Variants in ABCB8 observed in about 807,000 individuals in gnomAD.
The protein encoded by ABCB8 is ATP binding cassette subfamily B member 8, also known as mitochondrial potassium channel ATP-binding subunit.
A neutral mutation model predicts 73.0 loss-of-function variants in ABCB8; 52 were observed. The observed-to-expected ratio is 0.71, with a 90% confidence interval of 0.57 to 0.90. The LOEUF (loss-of-function observed/expected upper bound fraction) is 0.90. ABCB8 is among the 40% of genes least tolerant of loss of function. The pLI is 0.00. For missense variants in ABCB8, 909 were observed against 974.6 expected, an observed-to-expected ratio of 0.93 and a Z score of 0.90; for synonymous variants, 428 against 423.5, an observed-to-expected ratio of 1.01 and a Z score of -0.13.
intron 10 of ABCB8, 25 bp downstream of exon 10, chr7:151,040,326 C>A: frequency 6.2e-7 from 1 of 1,611,892 alleles, no homozygotes; most frequent in Non-Finnish European, 8.5e-7. Context: ...GGGTGGAGGG[C>A]CTGGGGTGTG....
intron 11 of ABCB8, 54 bp from the exon 12 acceptor site, chr7:151,040,773 CG>C (rs1472558885): frequency 6.3e-7 from 1 of 1,593,158 alleles, no homozygotes. Context: ...AGGAGGGACC[CG>C]GGCAACAAGG....
At chr7:151,040,221 C>G in intron 9 of ABCB8, 47 bp from the exon 10 acceptor site, 1 of 1,604,726 alleles carries the variant, frequency 6.2e-7, no homozygotes, top group South Asian at 1.1e-5. Context: ...CCTCCTCTGG[C>G]TCTTCTTGTT....
At position 151,046,885 on chromosome 7, in the gene ABCB8, A is replaced by G. The variant is rs1796626823; in HGVS notation, c.*1536A>G. The stretch of plus-strand genomic sequence containing the variant: ...TGGTGCTTTGGGGACAAGCCATCCA[A>G]AAACCCCAGGCCCACATCCACCCTG... On this transcript the variant is annotated 3_prime_UTR_variant, in exon 16 of 16. Transcript: ENST00000358849. 2 of 152,224 alleles carry G rather than the reference A, an allele frequency of 1.3e-5. No homozygotes were observed. The highest frequency in any genetic ancestry group is 2.1e-4 in the South Asian group (1 of 4,832). The allele number at this position is 152,224 out of a possible 1,614,324, so 9.4% of individuals were successfully genotyped here.
At chr7:151,031,573 A>G in intron 1 of ABCB8, 1 of 313,782 alleles carries the variant, frequency 3.2e-6, no homozygotes, top group Non-Finnish European at 6.0e-6. Context: ...TCCTGGCTGG[A>G]TAACTTCTGC....
At chr7:151,028,654 G>C in intron 1 of ABCB8, 44 bp downstream of exon 1, 6 of 1,590,444 alleles carry the variant, frequency 3.8e-6, no homozygotes, top group Non-Finnish European at 5.1e-6. Flanking sequence ...TTGACCGCCC[G>C]GCAGGGCAGT....
In ABCB8 at chr7:151,047,634, A is replaced by T. The variant is rs1265867405; in HGVS notation, c.*2285A>T. 1.3e-5 allele frequency: 2 copies of T among 152,146 alleles called. No individual in the cohort carries two copies. The highest frequency in any genetic ancestry group is 1.3e-4 in the Admixed American group (2 of 15,270). 9.4% of individuals were successfully genotyped at this position (152,146 alleles called of 1,614,324 possible). A position where few individuals can be genotyped will look rare whatever the true frequency, so the allele number is the denominator to read the frequency against. ...GTTTGGCTGGTGGAACCATGTTTCT[A>T]CCACTCATGGTCAAAAAAAGCCCAC... On this transcript the variant is annotated 3_prime_UTR_variant, in exon 16 of 16. Transcript: ENST00000358849.
intron 1 of ABCB8, chr7:151,032,732 G>A (rs574673233): frequency 5.6e-5 from 15 of 268,088 alleles, no homozygotes; most frequent in Non-Finnish European, 8.4e-5. Context: ...TAGTGGAATC[G>A]ATGTTAGCAT....
rs1377576663 is a variant in ABCB8 at position 151,034,513 on chromosome 7, GA to G, written c.574del (p.Thr192ProfsTer44). On this transcript the variant is annotated frameshift_variant, in exon 4 of 16. Transcript: ENST00000358849. LOFTEE classifies it high-confidence loss of function. ...LILYGVQGLL[T>X]FGYLVLLSHV... is the part of the protein sequence containing the mutation. The stretch of plus-strand genomic sequence containing the variant: ...ACTGGGCTCTTTCGCAGGGACTGCT[GA>G]CCTTCGGGTACCTGGTGCTGCTGTC... 5 of 1,613,320 alleles carry G rather than the reference GA, an allele frequency of 3.1e-6. No individual in the cohort carries two copies. The African/African-American group carries it at 6.7e-5, about 22-fold the overall frequency.
chr7:151,028,500 G>C lies in ABCB8; in HGVS notation c.-16G>C, dbSNP rs1554442780. ...GAAACTGCTATTGCCGGCGGCTCCT[G>C]TTTTACCGCGTCAGCATGCTGGTGC... On this transcript the variant is annotated 5_prime_UTR_variant, in exon 1 of 16. Coordinates refer to ENST00000358849, the MANE Select transcript of ABCB8 (RefSeq NM_007188.5). 6.2e-7 allele frequency: 1 copy of C among 1,610,238 alleles called. No homozygotes were observed. The highest frequency in any genetic ancestry group is 8.5e-7 in the Non-Finnish European group (1 of 1,178,578).
At chr7:151,029,758 C>CGGCCTCCCAA (rs1796104209) in intron 1 of ABCB8, 2 of 152,196 alleles carry the variant, frequency 1.3e-5, no homozygotes, top group South Asian at 4.1e-4. Flanking sequence ...CTGCCTGCCT[C>CGGCCTCCCAA]GGCCTCCCAA....
At chr7:151,043,862 A>G in intron 14 of ABCB8, 109 bp from the exon 15 acceptor site, 1 of 1,478,686 alleles carries the variant, frequency 6.8e-7, no homozygotes, top group Non-Finnish European at 9.3e-7. Context: ...CAGTGCTGAG[A>G]GGGGCACTTA....
In ABCB8 at chr7:151,037,382, T is replaced by A. The variant is rs1176756655; in HGVS notation, c.1217+733T>A. ...TCCAGGGATGACAAGCTGACCCCTG[T>A]CCCCACACACCCCACCCTTATAGCT... On this transcript the variant is annotated intron_variant, in intron 9 of 15. Transcript: ENST00000358849. The A allele has an allele frequency of 7.1e-6, 5 of 700,390 alleles. No homozygotes were observed. The East Asian group carries it at 1.3e-4, about 19-fold the overall frequency. The allele number at this position is 700,390 out of a possible 1,614,324, so 43.4% of individuals were successfully genotyped here.
chr7:151,031,195 C>G, intron 1 of ABCB8: 2 of 1,203,138 alleles, frequency 1.7e-6, no homozygotes, highest in Non-Finnish European at 2.4e-6. Context: ...TATTATGTAC[C>G]GGAGTTCTGC....
In ABCB8 at chr7:151,033,762, A is replaced by G. The variant is rs1796228155; in HGVS notation, c.253A>G (p.Ser85Gly). Residue 85 changes from serine (S) to glycine (G), a missense_variant, in exon 2 of 16, where the codon AGT becomes GGT. By Grantham distance (56) the Ser-to-Gly change is moderately conservative. Transcript: ENST00000358849. ...AGCCCTGCTAGGCCCCATGGTACTG[A>G]GTAAGCATCCCCACCTCTGCCTTGT... ...GGALLGPMVL[S>G]KHPHLCLVAL... is the part of the protein sequence containing the mutation. 1 of 1,613,884 alleles carries G rather than the reference A, an allele frequency of 6.2e-7. No homozygotes were observed. Among genetic ancestry groups the G allele is most frequent in the Admixed American group, 1.7e-5 (1 of 59,982 alleles).
rs1201116095 is a variant in ABCB8, at chr7:151,045,392, AG to A, written c.*46del. On this transcript the variant is annotated 3_prime_UTR_variant, in exon 16 of 16. Coordinates refer to ENST00000358849, the MANE Select transcript of ABCB8 (RefSeq NM_007188.5). ...GTGGTCGCTGCCAAGCATCAGTGTT[AG>A]GGCTGGGGCTCAGCCTGGGGGAGCC... 1.4e-6 allele frequency: 2 copies of A among 1,461,144 alleles called. No homozygotes were observed. The highest frequency in any genetic ancestry group is 1.5e-5 in the African/African-American group (1 of 68,634). The allele number at this position is 1,461,144 out of a possible 1,614,324, so 90.5% of individuals were successfully genotyped here. A position where few individuals can be genotyped will look rare whatever the true frequency, so the allele number is the denominator to read the frequency against.
chr7:151,034,867 C>T (rs1280570239), intron 5 of ABCB8, 38 bp downstream of exon 5: 3 of 1,556,036 alleles, frequency 1.9e-6, no homozygotes, highest in Non-Finnish European at 1.8e-6. Context: ...TCCACACACA[C>T]ACTTTCCCAT....
rs751564664 is a variant in ABCB8 at position 151,041,087 on chromosome 7, C to T, written c.1484-12C>T. 17 of 1,613,698 alleles carry T rather than the reference C, an allele frequency of 1.1e-5. No individual in the cohort carries two copies. The South Asian group carries it at 1.9e-4, about 18-fold the overall frequency. On this transcript the variant is annotated splice_polypyrimidine_tract_variant and intron_variant, in intron 12 of 15. Transcript: ENST00000358849. ...ATCCCTGGCCTCCCTCCCTCTCAAC[C>T]CAATTCCCCAGGAAAGACCACCGTG...
rs1241101491 is a variant in ABCB8 at position 151,033,712 on chromosome 7, C to A, written c.203C>A (p.Pro68His). 1 of 1,613,850 alleles carries A rather than the reference C, an allele frequency of 6.2e-7. No individual in the cohort carries two copies. ...GCCCCCCTAGCTCCCAGATGGAGCCCCTCTGCCTGGTGCTGGGTTGGGGGA... is the reference window on the plus strand; with the variant it reads ...GCCCCCCTAGCTCCCAGATGGAGCCACTCTGCCTGGTGCTGGGTTGGGGGA... Reference protein sequence around the residue: ...PRAPLAPRWSPSAWCWVGGAL... With the variant: ...PRAPLAPRWSHSAWCWVGGAL... The change falls in exon 2 of 16, where the codon CCC becomes CAC. Residue 68 changes from proline to histidine, a missense_variant. Transcript: ENST00000358849.
chr7:151,028,799 A>G (rs552328952), intron 1 of ABCB8, 189 bp downstream of exon 1: 122 of 1,551,014 alleles, frequency 7.9e-5, no homozygotes, highest in Non-Finnish European at 1.1e-4. Flanking sequence ...AGTCGCCAGC[A>G]GGAGGCTCCT....
Sources: allele counts gnomAD v4.1 joint callset, GRCh38; gene constraint gnomAD v4.1.1; transcripts MANE v1.5; gene names NCBI Gene and HGNC (gene_info 2026-07-23, HGNC 2026-07-21).